STRAP: variants seen among roughly 807,000 people sequenced by gnomAD.
STRAP encodes serine-threonine kinase receptor-associated protein.
In STRAP, 16 loss-of-function variants were observed where a neutral mutation model predicts 47.0. The observed-to-expected ratio is 0.34, with a 90% CI of 0.23 to 0.52. The LOEUF (loss-of-function observed/expected upper bound fraction) is 0.52. STRAP is among the 20% of genes least tolerant of loss of function. The probability of loss-of-function intolerance (pLI) is 0.96; values close to 1 mark genes in which losing one functional copy is unlikely to be tolerated. For synonymous variants in STRAP, 130 were observed against 142.7 expected (o/e 0.91, Z 0.63); for missense variants, 293 against 420.0 (o/e 0.70, Z 2.64).
chr12:15,884,862 C>G (rs1289531286), intron 2 of STRAP, among the ~76,000 whole-genome samples: 11 of 152,142 alleles, frequency 7.2e-5, no homozygotes. Context: ...TTGCTTCATC[C>G]TAGTTCATCA....
Position 15,899,888 on chromosome 12 carries a change from C to T in STRAP, c.776-16C>T. On this transcript the variant is annotated splice_polypyrimidine_tract_variant and intron_variant, in intron 7 of 9. Transcript: ENST00000419869. ...CCTAATAGTTAAAATTATCTAATAG[C>T]CCTCTTCTTTTTCAGAATCCTACAA... 1 of 1,607,614 alleles carries T rather than the reference C, an allele frequency of 6.2e-7. No homozygotes were observed. Among genetic ancestry groups the T allele is most frequent in the Non-Finnish European group, 8.5e-7 (1 of 1,177,496 alleles).
At chr12:15,902,876 CTAA>C (rs776570113) in intron 9 of STRAP, 38 bp from the exon 10 acceptor site, 6 of 1,444,492 alleles carry the variant, frequency 4.2e-6, no homozygotes, top group Non-Finnish European at 4.5e-6. Context: ...ATTAAGTTGA[CTAA>C]TGTGACTTTT....
In STRAP at chr12:15,901,003, G is replaced by A; in HGVS notation, c.982G>A (p.Glu328Lys). 2 of 1,595,158 alleles carry A rather than the reference G, an allele frequency of 1.3e-6. No individual in the cohort carries two copies. The highest frequency in any genetic ancestry group is 1.7e-6 in the Non-Finnish European group (2 of 1,170,682). Residue 328 changes from glutamate (E) to lysine (K), a missense_variant, in exon 9 of 10, where the codon GAG becomes AAG. By Grantham distance (56) the Glu-to-Lys change is moderately conservative. This residue lies in a region of STRAP where 52 missense variants were observed against 45.0 expected (regional missense o/e 1.16). Transcript: ENST00000419869. ...PKIGFPETTEEELEEIASENS... is the reference protein window; with the variant it reads ...PKIGFPETTEKELEEIASENS... ...GATTGGTTTTCCAGAGACAACAGAA[G>A]AGGAGCTAGGTAAATGCTATGGAAT... is the stretch of plus-strand genomic sequence containing the variant.
intron 9 of STRAP, 67 bp from the exon 10 acceptor site, chr12:15,902,849 AT>A (rs1555146480): frequency 5.8e-6 from 8 of 1,388,852 alleles, no homozygotes; most frequent in Non-Finnish European, 6.5e-6. Context: ...AGAAATGTAG[AT>A]TTGCTTCTTT....
intron 2 of STRAP, among the ~76,000 whole-genome samples, chr12:15,886,334 G>A (rs1313302663): frequency 6.6e-6 from 1 of 152,022 alleles, no homozygotes; most frequent in Admixed American, 6.6e-5. Context: ...CCACAGGCGT[G>A]TACTACCATG....
At chr12:15,895,738 G>T (rs181576788) in intron 6 of STRAP, among the ~76,000 whole-genome samples, 2 of 151,608 alleles carry the variant, frequency 1.3e-5, no homozygotes, top group South Asian at 4.2e-4. Flanking sequence ...GCACACGCCT[G>T]TAGTCCAGCT....
chr12:15,897,966 C>T lies in STRAP; in HGVS notation c.723C>T (p.Gly241=), dbSNP rs759466450. The T allele has an allele frequency of 3.1e-5, 49 of 1,600,238 alleles. No homozygotes were observed. The highest frequency in any genetic ancestry group is 1.7e-4 in the Middle Eastern group (1 of 5,966). Reference sequence around the variant, plus strand: ...CTGAGAAAGAATTTCTTGTTGCAGGCGGTGAAGATTTTAAACTTTATAAGT... The same window carrying T: ...CTGAGAAAGAATTTCTTGTTGCAGGTGGTGAAGATTTTAAACTTTATAAGT... The part of the protein sequence containing the change: ...LHPEKEFLVA[G]GEDFKLYKYD... The change falls in exon 7 of 10, where the codon GGC becomes GGT. Residue 241 remains glycine (G), a synonymous_variant. Coordinates refer to ENST00000419869, the MANE Select transcript of STRAP (RefSeq NM_007178.4).
rs535735305 is a variant in STRAP at position 15,897,272 on chromosome 12, C to T, written c.639-610C>T. Among the ~76,000 whole-genome samples the T allele has an allele frequency of 1.1e-4, 16 of 152,248 alleles. No individual in the cohort carries two copies. In the East Asian group the frequency reaches 1.7e-3, roughly 17 times the overall value. ...GGGTTAAACTGAAAAAGCTAATGTC[C>T]AAACTGTAATTGAATTTCAGATGAA... is the stretch of plus-strand genomic sequence containing the variant. On this transcript the variant is annotated intron_variant, in intron 6 of 9. Coordinates refer to ENST00000419869, the MANE Select transcript of STRAP (RefSeq NM_007178.4).
intron 8 of STRAP, 128 bp downstream of exon 8, chr12:15,900,181 C>T (rs1173076992): frequency 1.6e-5 from 16 of 1,024,500 alleles, no homozygotes; most frequent in Non-Finnish European, 2.0e-5. Context: ...GTTTAAGCAG[C>T]GAGAAGCCCA....
Position 15,890,472 on chromosome 12 carries a change from G to A in STRAP, c.331-125G>A. 1.3e-6 allele frequency: 1 copy of A among 777,688 alleles called. No individual in the cohort carries two copies. Among genetic ancestry groups the A allele is most frequent in the African/African-American group, 1.8e-5 (1 of 56,272 alleles). The allele number at this position is 777,688 out of a possible 1,614,324, so 48.2% of individuals were successfully genotyped here. A position where few individuals can be genotyped will look rare whatever the true frequency, so the allele number is the denominator to read the frequency against. On this transcript the variant is annotated intron_variant, in intron 3 of 9. Transcript: ENST00000419869. The surrounding 1 kb of genome is among the most constrained non-coding windows in gnomAD (Gnocchi z 4.5). ...CACAGTATCTTCTCAGAAGTAATTG[G>A]TTATGTCTTGGCATCTCTTTGTGAT... is the stretch of plus-strand genomic sequence containing the variant.
rs1217698170 is a variant in STRAP at position 15,899,270 on chromosome 12, T to G, written c.776-634T>G. Among the ~76,000 whole-genome samples the G allele has an allele frequency of 2.6e-5, 4 of 152,314 alleles. No homozygotes were observed. The East Asian group carries it at 7.7e-4, about 29-fold the overall frequency. On this transcript the variant is annotated intron_variant, in intron 7 of 9. Transcript: ENST00000419869. ...TGGTCTAGTAAAGGGCTTTGAGAAC[T>G]AATAAGGTGATGAGGCATTAGAAAG...
At chr12:15,891,447 A>G (rs933832448) in intron 4 of STRAP, among the ~76,000 whole-genome samples, 9 of 152,344 alleles carry the variant, frequency 5.9e-5, no homozygotes, top group Non-Finnish European at 8.8e-5. Flanking sequence ...ACTGTTTGTA[A>G]TGACTTTCTG....
At chr12:15,884,682 G>C (rs941043120) in intron 2 of STRAP, among the ~76,000 whole-genome samples, 3 of 152,112 alleles carry the variant, frequency 2.0e-5, no homozygotes, top group Non-Finnish European at 4.4e-5. Flanking sequence ...TTACGGGGGT[G>C]AACTACTGTG....
In STRAP at chr12:15,902,979, G is replaced by A. The variant is rs141674437; in HGVS notation, c.*1G>A. On this transcript the variant is annotated 3_prime_UTR_variant, in exon 10 of 10. Coordinates refer to ENST00000419869, the MANE Select transcript of STRAP (RefSeq NM_007178.4). The stretch of plus-strand genomic sequence containing the variant: ...TTCAGCTCCTGATGTTAAGGCCTGA[G>A]CGTCAATCATATGTGCAGTTAGTAT... 1.4e-6 allele frequency: 2 copies of A among 1,417,640 alleles called. No individual in the cohort carries two copies. The highest frequency in any genetic ancestry group is 1.8e-6 in the Non-Finnish European group (2 of 1,095,802). The allele number at this position is 1,417,640 out of a possible 1,614,324, so 87.8% of individuals were successfully genotyped here.
At position 15,890,737 on chromosome 12, in the gene STRAP, T is replaced by G. The variant is rs1331816236; in HGVS notation, c.403+68T>G. The G allele has an allele frequency of 1.5e-6, 2 of 1,376,094 alleles. No homozygotes were observed. The highest frequency in any genetic ancestry group is 2.0e-6 in the Non-Finnish European group (2 of 990,630). The allele number at this position is 1,376,094 out of a possible 1,614,324, so 85.2% of individuals were successfully genotyped here. A position where few individuals can be genotyped will look rare whatever the true frequency, so the allele number is the denominator to read the frequency against. On this transcript the variant is annotated intron_variant, in intron 4 of 9. Transcript: ENST00000419869. This position sits in a 1 kb window ranked among gnomAD's most constrained non-coding sequence, Gnocchi z 4.5. Reference sequence around the variant, plus strand: ...TAATTTAAATAACTGATTAAAGAATTTCATGCTCAGTACTCAAATTTGGAA... The same window carrying G: ...TAATTTAAATAACTGATTAAAGAATGTCATGCTCAGTACTCAAATTTGGAA...
Position 15,882,725 on chromosome 12 carries a change from G to C in STRAP, c.18G>C (p.Thr6=). The change falls in exon 1 of 10, where the codon ACG becomes ACC. Residue 6 remains threonine, a synonymous_variant. Transcript: ENST00000419869. The part of the protein sequence containing the change: MAMRQ[T]PLTCSGHTRP... ...CCGCCGCCATGGCAATGAGACAGACGCCGCTCACCTGCTCTGGCCACACGC... is the reference window on the plus strand; with the variant it reads ...CCGCCGCCATGGCAATGAGACAGACCCCGCTCACCTGCTCTGGCCACACGC... The C allele has an allele frequency of 6.2e-7, 1 of 1,609,774 alleles. No individual in the cohort carries two copies. The highest frequency in any genetic ancestry group is 1.3e-5 in the African/African-American group (1 of 74,970).
At chr12:15,902,817 CTT>C in intron 9 of STRAP, 98 bp from the exon 10 acceptor site, 4 of 1,368,074 alleles carry the variant, frequency 2.9e-6, no homozygotes, top group Non-Finnish European at 2.9e-6. Context: ...TTTACAAACA[CTT>C]TTTCATTCCT....
intron 9 of STRAP, among the ~76,000 whole-genome samples, chr12:15,901,361 A>G (rs1184943845): frequency 6.6e-6 from 1 of 152,210 alleles, no homozygotes; most frequent in Non-Finnish European, 1.5e-5. Context: ...AAGGATGAGC[A>G]GAAATGATTT....
chr12:15,895,400 A>C lies in STRAP; in HGVS notation c.542A>C (p.Asn181Thr), dbSNP rs146678081. The C allele has an allele frequency of 5.6e-4, 892 of 1,596,838 alleles. 4 individuals are homozygous for C. Among genetic ancestry groups the C allele is most frequent in the Non-Finnish European group, 5.7e-4 (670 of 1,175,468 alleles). The change falls in exon 6 of 10, where the codon AAT becomes ACT. Residue 181 changes from asparagine (N) to threonine (T), a missense_variant. Around this residue, in one of 5 missense-constraint regions of STRAP, gnomAD observed 152 missense variants for 183.0 expected, o/e 0.83. Coordinates refer to ENST00000419869, the MANE Select transcript of STRAP (RefSeq NM_007178.4). ...ACTATGACAGAAGTGAAATCTCTAA[A>C]TTTTAATATGTCTGTTAGTAGTATG... ...HATMTEVKSL[N>T]FNMSVSSMEY...
Sources: gnomAD v4.1 joint callset for allele counts (sites outside exome capture counted in the v4.1 genomes callset) on GRCh38, gnomAD v4.1.1 for gene constraint, gnomAD v4.1.1 regional missense constraint, Gnocchi (gnomAD v3.1) non-coding constraint, MANE v1.5 for transcripts, NCBI Gene and HGNC (gene_info 2026-07-23, HGNC 2026-07-21) for gene names.